Variants in FANCC observed in about 807,000 individuals in gnomAD.
The protein encoded by FANCC is FA complementation group C.
A neutral mutation model predicts 71.3 loss-of-function variants in FANCC; 55 were observed. The ratio of observed to expected loss-of-function variants is 0.77; its 90% CI spans 0.62 to 0.97. The LOEUF is 0.97. Among genes scored for constraint, FANCC ranks in the 50% least tolerant of loss-of-function variants. The pLI is 0.00. For synonymous variants in FANCC, 275 were observed against 244.9 expected (o/e 1.12, Z -1.15); for missense variants, 678 against 670.9 (o/e 1.01, Z -0.12).
intron 4 of FANCC, among the ~76,000 whole-genome samples, chr9:95,207,538 G>T (rs1320393283): frequency 6.6e-6 from 1 of 152,132 alleles, no homozygotes; most frequent in Non-Finnish European, 1.5e-5. Context: ...CCGAGACTCA[G>T]AAAACCAACT....
At chr9:95,294,332 T>G (rs1292921089) in intron 1 of FANCC, 1 of 1,588,314 alleles carries the variant, frequency 6.3e-7, no homozygotes, top group Non-Finnish European at 8.6e-7. Context: ...GAGCCAGTCT[T>G]GGAGTCACTG....
chr9:95,163,796 C>A (rs1830896294), intron 6 of FANCC, among the ~76,000 whole-genome samples: 1 of 152,232 alleles, frequency 6.6e-6, no homozygotes, highest in South Asian at 2.1e-4. Flanking sequence ...TTAAAGTGAG[C>A]CGAGATTGCG....
At chr9:95,253,268 T>C (rs988369477) in intron 1 of FANCC, among the ~76,000 whole-genome samples, 3 of 152,218 alleles carry the variant, frequency 2.0e-5, no homozygotes, top group Admixed American at 1.3e-4. Context: ...ATCTGGTTAA[T>C]TAAAGTACCC....
chr9:95,291,968 AT>A (rs1341764769), intron 1 of FANCC, among the ~76,000 whole-genome samples: 13,231 of 51,270 alleles, frequency 0.26, 1,009 homozygotes, highest in Non-Finnish European at 0.33. Context: ...AAAAAAAAAA[AT>A]ATATATATAT....
At position 95,101,715 on chromosome 9, in the gene FANCC, G is replaced by C. The variant is rs863224610; in HGVS notation, c.1669C>G (p.Gln557Glu). 6.2e-7 allele frequency: 1 copy of C among 1,613,972 alleles called. No individual in the cohort carries two copies. Among genetic ancestry groups the C allele is most frequent in the East Asian group, 2.2e-5 (1 of 44,866 alleles). ...ARELLKELRT[Q>E]V ...CACGGCCTGCGTGCCTTCTAGACTT[G>C]AGTTCGCAGCTCTTTAAGGAGCTCT... The change falls in exon 15 of 15, where the codon CAA (glutamine) becomes GAA (glutamate). Residue 557 changes from glutamine to glutamate, a missense_variant. Gln to Glu is a conservative substitution (Grantham distance 29, BLOSUM62 2). Coordinates refer to ENST00000289081, the MANE Select transcript of FANCC (RefSeq NM_000136.3).
At chr9:95,181,012 A>G (rs370041573) in intron 4 of FANCC, among the ~76,000 whole-genome samples, 3 of 152,164 alleles carry the variant, frequency 2.0e-5, no homozygotes, top group African/African-American at 7.2e-5. Context: ...TTTAACATAT[A>G]ATGTCCTGGA....
chr9:95,156,824 C>T (rs999073785), intron 6 of FANCC, among the ~76,000 whole-genome samples: 1 of 152,184 alleles, frequency 6.6e-6, no homozygotes, highest in African/African-American at 2.4e-5. Context: ...CTGCAGCCAT[C>T]ATAATTTTTG....
At chr9:95,296,261 T>C (rs1588433194) in intron 1 of FANCC, among the ~76,000 whole-genome samples, 1 of 152,298 alleles carries the variant, frequency 6.6e-6, no homozygotes, top group Non-Finnish European at 1.5e-5. Context: ...TGACTAAGGA[T>C]CATGACCTAG....
At chr9:95,210,006 C>G (rs571964431) in intron 4 of FANCC, among the ~76,000 whole-genome samples, 3 of 152,140 alleles carry the variant, frequency 2.0e-5, no homozygotes, top group Admixed American at 1.3e-4. Flanking sequence ...ACACTCTACC[C>G]TGGTACAAAT....
At chr9:95,123,868 A>C (rs939854628) in intron 10 of FANCC, 9 of 580,534 alleles carry the variant, frequency 1.6e-5, no homozygotes, top group Admixed American at 4.0e-5. Flanking sequence ...AGCCCACGTA[A>C]GGAGTTGAGT....
At chr9:95,289,487 G>A (rs1833882080) in intron 1 of FANCC, among the ~76,000 whole-genome samples, 1 of 151,832 alleles carries the variant, frequency 6.6e-6, no homozygotes, top group African/African-American at 2.4e-5. Context: ...TTTCACGGGG[G>A]GATAATAATT....
intron 4 of FANCC, among the ~76,000 whole-genome samples, chr9:95,193,340 T>C (rs987259747): frequency 6.6e-6 from 1 of 151,994 alleles, no homozygotes; most frequent in East Asian, 1.9e-4. Context: ...ACCCAGACTC[T>C]AGCTAGGCCA....
intron 1 of FANCC, chr9:95,293,195 T>A (rs1270432707): frequency 3.1e-6 from 5 of 1,611,390 alleles, no homozygotes; most frequent in Admixed American, 1.7e-5. Flanking sequence ...TCTTACAACA[T>A]CACCGAGATA....
rs1400011772 is a variant in FANCC at position 95,180,852 on chromosome 9, A to G, written c.346-8705T>C. On this transcript the variant is annotated intron_variant, in intron 4 of 14. Coordinates refer to ENST00000289081, the MANE Select transcript of FANCC (RefSeq NM_000136.3). ...TGTGAACAATGTGTTATACTACATT[A>G]TAACACCTATGATGTCCCTAGGTCA... Among the ~76,000 whole-genome samples, 5 of 152,248 alleles carry G rather than the reference A, an allele frequency of 3.3e-5. No individual in the cohort carries two copies. The East Asian group carries it at 9.7e-4, about 29-fold the overall frequency.
chr9:95,179,632 C>T (rs922052372), intron 4 of FANCC, among the ~76,000 whole-genome samples: 1 of 152,186 alleles, frequency 6.6e-6, no homozygotes, highest in Non-Finnish European at 1.5e-5. Context: ...CAGGTGTGAG[C>T]CACCATGCCC....
chr9:95,293,616 C>T (rs1018659375), intron 1 of FANCC: 97 of 1,614,208 alleles, frequency 6.0e-5, no homozygotes, highest in Middle Eastern at 4.9e-4. Context: ...AAACTTTATA[C>T]CTTCTGCACA....
intron 7 of FANCC, among the ~76,000 whole-genome samples, chr9:95,139,825 TATATATATTTATATATATATATATATAA>T (rs2135259180): frequency 6.8e-6 from 1 of 146,272 alleles, no homozygotes; most frequent in East Asian, 2.0e-4. Flanking sequence ...AAAATGAATA[TATATATATTTATATATATATATATATAA>T]ATATATATAT....
At chr9:95,132,215 G>A (rs189970561) in intron 8 of FANCC, among the ~76,000 whole-genome samples, 1 of 152,342 alleles carries the variant, frequency 6.6e-6, no homozygotes, top group East Asian at 1.9e-4. Context: ...GCCCTGGCAT[G>A]CAGCTTGCCA....
intron 8 of FANCC, 86 bp downstream of exon 8, chr9:95,135,260 T>C (rs917436809): frequency 6.1e-6 from 8 of 1,311,246 alleles, no homozygotes; most frequent in South Asian, 3.6e-5. Flanking sequence ...TTTGTTTACA[T>C]CCCCCCCTTT....
Sources: gnomAD v4.1 joint callset for allele counts (sites outside exome capture counted in the v4.1 genomes callset) on GRCh38, gnomAD v4.1.1 for gene constraint, MANE v1.5 for transcripts, NCBI Gene and HGNC (gene_info 2026-07-23, HGNC 2026-07-21) for gene names.